RIT2: variants seen among roughly 807,000 people sequenced by gnomAD.
RIT2 encodes the protein GTP-binding protein Rit2.
RIT2 carries 24 observed loss-of-function variants against 23.7 expected under a neutral mutation model. The ratio of observed to expected loss-of-function variants is 1.01; its 90% CI spans 0.73 to 1.43. RIT2 has a LOEUF of 1.43. Among genes scored for constraint, RIT2 ranks in the 40% most tolerant of loss-of-function variants. The pLI, the probability that RIT2 is intolerant of heterozygous loss-of-function variation, is 0.00. For missense variants in RIT2, 236 were observed against 266.9 expected (o/e 0.88, Z 0.81); for synonymous variants, 107 against 91.1 (o/e 1.17, Z -0.99).
chr18:43,100,857 G>A (rs1406828475), intron 1 of RIT2, among the ~76,000 whole-genome samples: 2 of 151,864 alleles, frequency 1.3e-5, no homozygotes, highest in Admixed American at 6.6e-5. Context: ...CTGCATTTCT[G>A]GACTTCAGAA....
Position 42,895,642 on chromosome 18 carries a change from G to A in RIT2, c.426+27930C>T, listed in dbSNP as rs533691438. Among the ~76,000 whole-genome samples the A allele has an allele frequency of 3.9e-5, 6 of 152,204 alleles. No individual in the cohort carries two copies. In the East Asian group the frequency reaches 7.7e-4, roughly 20 times the overall value. ...GATTGAGGACCTATGAGATGTAAACGGTTTTAAGTGAAATTCAAGAAAACT... is the reference window on the plus strand; with the variant it reads ...GATTGAGGACCTATGAGATGTAAACAGTTTTAAGTGAAATTCAAGAAAACT... On this transcript the variant is annotated intron_variant, in intron 4 of 4. Coordinates refer to ENST00000326695, the MANE Select transcript of RIT2 (RefSeq NM_002930.4).
chr18:42,781,623 T>C (rs2143932733), intron 4 of RIT2, among the ~76,000 whole-genome samples: 1 of 152,288 alleles, frequency 6.6e-6, no homozygotes, highest in Middle Eastern at 3.4e-3. Context: ...AAAATTTAGC[T>C]GGGTTATTGG....
At chr18:43,049,308 G>A (rs146495510) in intron 1 of RIT2, among the ~76,000 whole-genome samples, 109 of 152,214 alleles carry the variant, frequency 7.2e-4, no homozygotes, top group African/African-American at 2.2e-3. Flanking sequence ...CTAAATTCTC[G>A]TAACTTCAAA....
At chr18:42,990,502 C>A (rs1204933308) in intron 2 of RIT2, among the ~76,000 whole-genome samples, 2 of 152,140 alleles carry the variant, frequency 1.3e-5, no homozygotes, top group African/African-American at 4.8e-5. Context: ...AGTCAGAAAC[C>A]GTTACACTCC....
chr18:42,813,154 T>A (rs1258020315), intron 4 of RIT2, among the ~76,000 whole-genome samples: 1 of 152,220 alleles, frequency 6.6e-6, no homozygotes, highest in African/African-American at 2.4e-5. Flanking sequence ...AGTAGCGTAG[T>A]AAGAATAAAT....
chr18:43,103,246 T>G (rs1913730716), intron 1 of RIT2, among the ~76,000 whole-genome samples: 1 of 152,174 alleles, frequency 6.6e-6, no homozygotes, highest in Non-Finnish European at 1.5e-5. Flanking sequence ...TTTATTTTAC[T>G]ACATATGCCC....
At chr18:42,857,187 T>C (rs1907210109) in intron 4 of RIT2, among the ~76,000 whole-genome samples, 1 of 152,140 alleles carries the variant, frequency 6.6e-6, no homozygotes, top group African/African-American at 2.4e-5. Flanking sequence ...AGGCCAGGGA[T>C]ATTGTGAAAC....
chr18:42,833,511 A>G (rs564384559), intron 4 of RIT2, among the ~76,000 whole-genome samples: 1 of 152,282 alleles, frequency 6.6e-6, no homozygotes, highest in East Asian at 1.9e-4. Flanking sequence ...GATAAACTCT[A>G]TGGGCACGAA....
At chr18:43,029,440 A>G (rs957753832) in intron 2 of RIT2, among the ~76,000 whole-genome samples, 3 of 152,076 alleles carry the variant, frequency 2.0e-5, no homozygotes, top group Non-Finnish European at 4.4e-5. Context: ...CAGTTGTTAA[A>G]GCTGTTTTCT....
intron 1 of RIT2, among the ~76,000 whole-genome samples, chr18:43,086,748 C>G (rs12963419): frequency 6.6e-6 from 1 of 151,916 alleles, no homozygotes; most frequent in Admixed American, 6.6e-5. Flanking sequence ...GGGATGCTAA[C>G]CTCCTGGATG....
chr18:42,937,261 A>AT (rs1279239354), intron 3 of RIT2, among the ~76,000 whole-genome samples: 14 of 152,028 alleles, frequency 9.2e-5, no homozygotes, highest in Non-Finnish European at 1.6e-4. Flanking sequence ...TGTTACTGTC[A>AT]TTTTTTTCCT....
intron 3 of RIT2, among the ~76,000 whole-genome samples, chr18:42,965,688 TAAAC>T (rs1910200792): frequency 7.7e-6 from 1 of 130,122 alleles, no homozygotes; most frequent in African/African-American, 2.9e-5. Flanking sequence ...AATATGGTGG[TAAAC>T]AAAGATGTGT....
intron 4 of RIT2, among the ~76,000 whole-genome samples, chr18:42,823,695 C>T (rs746247246): frequency 2.0e-5 from 3 of 152,084 alleles, no homozygotes; most frequent in South Asian, 4.2e-4. Flanking sequence ...ATTTATTATA[C>T]GTCTATTATG....
Position 43,066,811 on chromosome 18 carries a change from C to T in RIT2, c.104-32944G>A, listed in dbSNP as rs76529145. On this transcript the variant is annotated intron_variant, in intron 1 of 4. Coordinates refer to ENST00000326695, the MANE Select transcript of RIT2 (RefSeq NM_002930.4). ...ACATGCAATTAGAAATGAGGTGGAG[C>T]TTTTAAAGAAGAAAGGACAGCATGG... Among the ~76,000 whole-genome samples, 331 of 114,770 alleles carry T rather than the reference C, an allele frequency of 2.9e-3. 1 individual carries two copies. Among genetic ancestry groups the T allele is most frequent in the African/African-American group, 7.2e-3 (274 of 38,144 alleles). 75.3% of individuals were successfully genotyped at this position (114,770 alleles called of 152,430 possible). A position where few individuals can be genotyped will look rare whatever the true frequency, so the allele number is the denominator to read the frequency against.
At chr18:43,075,520 CA>C (rs1438329762) in intron 1 of RIT2, among the ~76,000 whole-genome samples, 1 of 152,122 alleles carries the variant, frequency 6.6e-6, no homozygotes, top group Non-Finnish European at 1.5e-5. Flanking sequence ...TCAATGCATA[CA>C]TACATATATT....
At chr18:43,076,052 G>C (rs1913005936) in intron 1 of RIT2, among the ~76,000 whole-genome samples, 1 of 152,186 alleles carries the variant, frequency 6.6e-6, no homozygotes, top group African/African-American at 2.4e-5. Context: ...TGGCTTTAGA[G>C]TGCTGTTGGC....
chr18:42,758,725 A>T (rs1296590595), intron 4 of RIT2, among the ~76,000 whole-genome samples: 1 of 146,342 alleles, frequency 6.8e-6, no homozygotes, highest in East Asian at 2.0e-4. Context: ...GGGTTTCACC[A>T]TGTTGGCTAG....
chr18:42,954,369 C>T (rs1346369891), intron 3 of RIT2, among the ~76,000 whole-genome samples: 7 of 104,082 alleles, frequency 6.7e-5, no homozygotes, highest in Admixed American at 1.1e-4. Context: ...AGTGAATTTC[C>T]AACTCAAAAA....
intron 1 of RIT2, among the ~76,000 whole-genome samples, chr18:43,106,939 C>T (rs1411481296): frequency 6.6e-6 from 1 of 152,030 alleles, no homozygotes; most frequent in African/African-American, 2.4e-5. Flanking sequence ...TGAGGAAAGC[C>T]CAAGTGATTG....
Sources: gnomAD v4.1 joint callset for allele counts (sites outside exome capture counted in the v4.1 genomes callset) on GRCh38, gnomAD v4.1.1 for gene constraint, MANE v1.5 for transcripts, NCBI Gene and HGNC (gene_info 2026-07-23, HGNC 2026-07-21) for gene names.